XYLT1: variants seen among roughly 807,000 people sequenced by gnomAD.
XYLT1 encodes beta-D-xylosyltransferase 1.
Under a neutral mutation model 91.3 loss-of-function variants are expected in XYLT1, and 36 were observed. That is an observed-to-expected ratio of 0.39 (90% CI 0.30 to 0.52). The LOEUF (loss-of-function observed/expected upper bound fraction) is 0.52, where lower values mean the gene tolerates loss of function less well. XYLT1 is among the 20% of genes least tolerant of loss of function. The pLI is 0.68. For synonymous variants in XYLT1, 588 were observed against 532.0 expected (o/e 1.11, Z -1.45); for missense variants, 1,242 against 1,284.5 (o/e 0.97, Z 0.51).
At chr16:17,123,670 G>C (rs938336984) in intron 10 of XYLT1, among the ~76,000 whole-genome samples, 1 of 152,182 alleles carries the variant, frequency 6.6e-6, no homozygotes, top group East Asian at 1.9e-4. Context: ...AAAATGTTCT[G>C]TAAGTACCTG....
intron 3 of XYLT1, among the ~76,000 whole-genome samples, chr16:17,234,695 A>AAAATAAATAAATAAATAAATAAATAAAT (rs4071716): frequency 6.8e-6 from 1 of 146,936 alleles, no homozygotes; most frequent in African/African-American, 2.5e-5. Flanking sequence ...GCCATGTGAT[A>AAAATAAATAAATAAATAAATAAATAAAT]AAATAAATAA....
intron 1 of XYLT1, among the ~76,000 whole-genome samples, chr16:17,407,496 T>C (rs1259898208): frequency 6.6e-6 from 1 of 152,204 alleles, no homozygotes; most frequent in African/African-American, 2.4e-5. Flanking sequence ...GGTCTTGCTA[T>C]GTTGCCCAGT....
intron 1 of XYLT1, among the ~76,000 whole-genome samples, chr16:17,458,131 C>T (rs75975884): frequency 4.6e-5 from 7 of 152,090 alleles, no homozygotes; most frequent in South Asian, 4.1e-4. Context: ...ATTATCATGC[C>T]GTCCTTGGGC....
At chr16:17,388,235 C>T (rs2141889870) in intron 1 of XYLT1, among the ~76,000 whole-genome samples, 1 of 152,286 alleles carries the variant, frequency 6.6e-6, no homozygotes, top group South Asian at 2.1e-4. Flanking sequence ...AACACACTAT[C>T]CAAATACATC....
At chr16:17,420,915 G>A (rs778052641) in intron 1 of XYLT1, among the ~76,000 whole-genome samples, 11 of 152,166 alleles carry the variant, frequency 7.2e-5, no homozygotes, top group Non-Finnish European at 1.3e-4. Flanking sequence ...TCTAATGCTT[G>A]GATGGGAGAT....
chr16:17,149,508 C>G (rs1275935325), intron 6 of XYLT1, among the ~76,000 whole-genome samples: 1 of 152,146 alleles, frequency 6.6e-6, no homozygotes, highest in Non-Finnish European at 1.5e-5. Context: ...ATCTAGATTA[C>G]TCCTTCAGCA....
intron 2 of XYLT1, among the ~76,000 whole-genome samples, chr16:17,328,861 A>T (rs1286066006): frequency 6.6e-6 from 1 of 152,246 alleles, no homozygotes; most frequent in Non-Finnish European, 1.5e-5. Flanking sequence ...ATTCCTTAAA[A>T]GTAAAGCTTA....
intron 1 of XYLT1, among the ~76,000 whole-genome samples, chr16:17,437,856 A>G (rs1383895069): frequency 6.6e-6 from 1 of 152,210 alleles, no homozygotes; most frequent in Admixed American, 6.5e-5. Flanking sequence ...CATACTGAGC[A>G]GTATTTGCAG....
At chr16:17,274,904 C>T (rs1291373587) in intron 2 of XYLT1, among the ~76,000 whole-genome samples, 3 of 152,092 alleles carry the variant, frequency 2.0e-5, no homozygotes, top group Non-Finnish European at 4.4e-5. Flanking sequence ...GGGCCGGGCA[C>T]GGTGGCTCAC....
chr16:17,257,876 G>A (rs962467909), intron 3 of XYLT1, among the ~76,000 whole-genome samples: 1 of 152,202 alleles, frequency 6.6e-6, no homozygotes, highest in African/African-American at 2.4e-5. Context: ...AGCCTCAGCA[G>A]CCCCCTGTGG....
At chr16:17,115,421 C>T (rs1337282162) in intron 11 of XYLT1, among the ~76,000 whole-genome samples, 1 of 149,264 alleles carries the variant, frequency 6.7e-6, no homozygotes, top group African/African-American at 2.5e-5. Context: ...GAGCTCGAGG[C>T]TGCAGTGAGC....
chr16:17,450,360 A>G (rs977253198), intron 1 of XYLT1, among the ~76,000 whole-genome samples: 5 of 149,630 alleles, frequency 3.3e-5, no homozygotes, highest in Non-Finnish European at 5.9e-5. Context: ...CAAACAAACA[A>G]ACAAAAAAAA....
At chr16:17,139,276 T>A (rs1016277132) in intron 7 of XYLT1, among the ~76,000 whole-genome samples, 3 of 152,094 alleles carry the variant, frequency 2.0e-5, no homozygotes, top group African/African-American at 7.3e-5. Context: ...TGTTGGGGAA[T>A]CTGTGTCTGC....
At chr16:17,249,006 C>T (rs1355611009) in intron 3 of XYLT1, among the ~76,000 whole-genome samples, 2 of 152,078 alleles carry the variant, frequency 1.3e-5, no homozygotes, top group Non-Finnish European at 2.9e-5. Flanking sequence ...CAGGCATGAG[C>T]CACCGCACCT....
At chr16:17,162,606 C>A (rs961142572) in intron 5 of XYLT1, among the ~76,000 whole-genome samples, 1 of 152,120 alleles carries the variant, frequency 6.6e-6, no homozygotes, top group African/African-American at 2.4e-5. Flanking sequence ...TGAATGTATT[C>A]CATTTCAAGT....
intron 3 of XYLT1, among the ~76,000 whole-genome samples, chr16:17,255,509 T>G (rs1418030078): frequency 6.6e-6 from 1 of 152,164 alleles, no homozygotes; most frequent in Non-Finnish European, 1.5e-5. Context: ...GTTCATGGAA[T>G]GGCATTCAAC....
At chr16:17,120,410 G>T (rs2030006079) in intron 10 of XYLT1, among the ~76,000 whole-genome samples, 1 of 151,874 alleles carries the variant, frequency 6.6e-6, no homozygotes, top group South Asian at 2.1e-4. Context: ...CTTGCTCCTT[G>T]CTCCAGGCCA....
chr16:17,383,427 A>C (rs1156470996), intron 1 of XYLT1, among the ~76,000 whole-genome samples: 2 of 151,776 alleles, frequency 1.3e-5, no homozygotes, highest in African/African-American at 4.8e-5. Context: ...CTTCTCTCTA[A>C]GCACCCATCT....
intron 1 of XYLT1, among the ~76,000 whole-genome samples, chr16:17,464,579 C>A (rs559362120): frequency 4.0e-5 from 6 of 151,558 alleles, no homozygotes; most frequent in South Asian, 2.1e-4. Flanking sequence ...TAATGAATAT[C>A]CCAATTACTT....
Sources: allele counts gnomAD v4.1 joint callset (sites outside exome capture counted in the v4.1 genomes callset), GRCh38; gene constraint gnomAD v4.1.1; transcripts MANE v1.5; gene names NCBI Gene and HGNC (gene_info 2026-07-23, HGNC 2026-07-21).